DDX10: variants seen among roughly 807,000 people sequenced by gnomAD.
DDX10 encodes DEAD-box helicase 10, also known as probable ATP-dependent RNA helicase DDX10.
Under a neutral mutation model 104.3 loss-of-function variants are expected in DDX10, and 74 were observed. That is an observed-to-expected ratio of 0.71 (90% confidence interval 0.59 to 0.86). The LOEUF (loss-of-function observed/expected upper bound fraction) is 0.86, where lower values mean the gene tolerates loss of function less well. Ranked by LOEUF, DDX10 falls within the 40% of genes least tolerant of loss-of-function variation. The pLI is 0.00. For missense variants in DDX10, 952 were observed against 1,040.0 expected (o/e 0.92, Z 1.16); for synonymous variants, 351 against 353.4 (o/e 0.99, Z 0.08).
intron 10 of DDX10, among the ~76,000 whole-genome samples, chr11:108,709,613 T>A (rs2094281275): frequency 6.6e-6 from 1 of 152,236 alleles, no homozygotes; most frequent in Non-Finnish European, 1.5e-5. Flanking sequence ...GTCCATGGGA[T>A]TTGTAATGAT....
chr11:108,757,926 C>T (rs1565269396), intron 13 of DDX10, among the ~76,000 whole-genome samples: 1 of 151,946 alleles, frequency 6.6e-6, no homozygotes, highest in East Asian at 1.9e-4. Context: ...TCCTTTCTTT[C>T]CACTTCATTG....
At chr11:108,895,114 C>G (rs1455412796) in intron 16 of DDX10, among the ~76,000 whole-genome samples, 1 of 151,960 alleles carries the variant, frequency 6.6e-6, no homozygotes, top group South Asian at 2.1e-4. Context: ...AAGCTTTGAC[C>G]TGGCTAATTA....
At chr11:108,899,623 G>A (rs900212838) in intron 16 of DDX10, among the ~76,000 whole-genome samples, 1 of 151,714 alleles carries the variant, frequency 6.6e-6, no homozygotes, top group Non-Finnish European at 1.5e-5. Flanking sequence ...GAATTATTTT[G>A]TCATCCTAAA....
chr11:108,883,162 G>A (rs1863249538), intron 16 of DDX10, among the ~76,000 whole-genome samples: 1 of 151,964 alleles, frequency 6.6e-6, no homozygotes, highest in Non-Finnish European at 1.5e-5. Context: ...TATTTAGGTG[G>A]CAAACTGGCA....
At chr11:108,781,596 G>T (rs1411871925) in intron 13 of DDX10, among the ~76,000 whole-genome samples, 1 of 152,120 alleles carries the variant, frequency 6.6e-6, no homozygotes, top group Non-Finnish European at 1.5e-5. Context: ...AAAAGAAAGA[G>T]ATTTTGTTTT....
At chr11:108,906,486 A>G (rs978132551) in intron 16 of DDX10, among the ~76,000 whole-genome samples, 1 of 152,178 alleles carries the variant, frequency 6.6e-6, no homozygotes, top group Non-Finnish European at 1.5e-5. Flanking sequence ...ACAGCCTTGA[A>G]TGGTAGATGT....
At chr11:108,684,176 C>CTT (rs55949043) in intron 6 of DDX10, among the ~76,000 whole-genome samples, 2,076 of 26,668 alleles carry the variant, frequency 0.078, 284 homozygotes, top group African/African-American at 0.3. Context: ...TATAGATTTT[C>CTT]TTTTTTTTTT....
At chr11:108,872,759 G>A (rs1204555517) in intron 16 of DDX10, among the ~76,000 whole-genome samples, 2 of 152,080 alleles carry the variant, frequency 1.3e-5, no homozygotes, top group African/African-American at 4.8e-5. Flanking sequence ...TTTCTCTATA[G>A]CAGTGTTTTT....
chr11:108,757,853 A>T, intron 13 of DDX10, among the ~76,000 whole-genome samples: 1 of 151,912 alleles, frequency 6.6e-6, no homozygotes, highest in East Asian at 1.9e-4. Context: ...CGACTCTGTG[A>T]TCGATCTCTT....
intron 16 of DDX10, among the ~76,000 whole-genome samples, chr11:108,893,818 G>A (rs1014603794): frequency 6.6e-6 from 1 of 152,044 alleles, no homozygotes; most frequent in Non-Finnish European, 1.5e-5. Context: ...GCAAGATTAG[G>A]TATTTCTTTT....
At chr11:108,686,519 TTAATA>T (rs1376162188) in intron 6 of DDX10, among the ~76,000 whole-genome samples, 1 of 152,206 alleles carries the variant, frequency 6.6e-6, no homozygotes, top group Admixed American at 6.5e-5. Flanking sequence ...TTGCTTTCAC[TTAATA>T]TTACGCATTT....
intron 13 of DDX10, among the ~76,000 whole-genome samples, chr11:108,785,857 T>A (rs1031191767): frequency 2.0e-5 from 3 of 152,156 alleles, no homozygotes; most frequent in Non-Finnish European, 4.4e-5. Context: ...CAATTCTTAT[T>A]TGATTTTAAT....
At chr11:108,797,091 T>A (rs1253892347) in intron 13 of DDX10, among the ~76,000 whole-genome samples, 1 of 152,160 alleles carries the variant, frequency 6.6e-6, no homozygotes, top group Non-Finnish European at 1.5e-5. Flanking sequence ...TGGAGTGCAG[T>A]GGCACGATCT....
intron 17 of DDX10, among the ~76,000 whole-genome samples, chr11:108,938,713 A>T (rs1221925775): frequency 6.6e-6 from 1 of 152,202 alleles, no homozygotes; most frequent in Non-Finnish European, 1.5e-5. Context: ...AAAGAACCTC[A>T]TAGTGCCATC....
intron 16 of DDX10, among the ~76,000 whole-genome samples, chr11:108,883,253 T>A (rs1386888198): frequency 6.6e-6 from 1 of 152,182 alleles, no homozygotes; most frequent in East Asian, 1.9e-4. Flanking sequence ...TTTGAAGTTA[T>A]ATTAAAAAAA....
At chr11:108,883,015 A>G (rs1482375567) in intron 16 of DDX10, among the ~76,000 whole-genome samples, 1 of 152,182 alleles carries the variant, frequency 6.6e-6, no homozygotes, top group Non-Finnish European at 1.5e-5. Context: ...CATTAAAATC[A>G]TTAAGTATTG....
chr11:108,723,497 A>G (rs1164355779), intron 13 of DDX10, 35 bp downstream of exon 13: 8 of 1,577,814 alleles, frequency 5.1e-6, no homozygotes, highest in South Asian at 2.4e-5. Flanking sequence ...CTTCTATTAC[A>G]TTGTCTTACT....
chr11:108,670,890 G>A (rs999062496), intron 1 of DDX10, among the ~76,000 whole-genome samples: 5 of 152,060 alleles, frequency 3.3e-5, no homozygotes, highest in East Asian at 3.9e-4. Flanking sequence ...ATTCTAGGGC[G>A]TTTCAATGCT....
At chr11:108,771,054 G>C (rs1267200436) in intron 13 of DDX10, among the ~76,000 whole-genome samples, 2 of 152,174 alleles carry the variant, frequency 1.3e-5, no homozygotes, top group African/African-American at 4.8e-5. Context: ...TAACTGGGGT[G>C]AGATGATAAC....
Sources: allele counts gnomAD v4.1 joint callset (sites outside exome capture counted in the v4.1 genomes callset), GRCh38; gene constraint gnomAD v4.1.1; transcripts MANE v1.5; gene names NCBI Gene and HGNC (gene_info 2026-07-23, HGNC 2026-07-21).